Variants in CCDC198 observed in about 807,000 individuals in gnomAD.
CCDC198 encodes factor associated with metabolism and energy.
In CCDC198, 18 loss-of-function variants were observed where a neutral mutation model predicts 35.6. The observed-to-expected ratio is 0.51, with a 90% confidence interval of 0.35 to 0.75. The LOEUF (loss-of-function observed/expected upper bound fraction) is 0.75. Among genes scored for constraint, CCDC198 ranks in the 30% least tolerant of loss-of-function variants. The probability of loss-of-function intolerance (pLI) is 0.01; values close to 1 mark genes in which losing one functional copy is unlikely to be tolerated. For missense variants in CCDC198, 365 were observed against 343.7 expected (o/e 1.06, Z -0.49); for synonymous variants, 119 against 113.4 (o/e 1.05, Z -0.31).
rs1385453910 is a variant in CCDC198 at position 57,493,730 on chromosome 14, A to C, written c.-15T>G. The stretch of plus-strand genomic sequence containing the variant: ...CTCAGGCCCATTTCATGTGAAAGAC[A>C]TTCAGAGGAAAGCTGCGAGGGAAGT... On this transcript the variant is annotated 5_prime_UTR_variant, in exon 1 of 6. It removes an upstream start codon present in the reference 5' UTR. Transcript: ENST00000216445. The C allele has an allele frequency of 6.2e-7, 1 of 1,603,200 alleles. No homozygotes were observed. The highest frequency in any genetic ancestry group is 8.5e-7 in the Non-Finnish European group (1 of 1,171,694).
intron 5 of CCDC198, among the ~76,000 whole-genome samples, chr14:57,474,918 A>G (rs892641617): frequency 1.3e-5 from 2 of 152,210 alleles, no homozygotes; most frequent in African/African-American, 4.8e-5. Context: ...TTTCAGAAAA[A>G]TGTATCACTA....
rs200420976 is a variant in CCDC198, at chr14:57,471,471, C to A, written c.775G>T (p.Asp259Tyr). The change falls in exon 6 of 6, where the codon GAC becomes TAC. Residue 259 changes from aspartate (D) to tyrosine (Y), a missense_variant. By Grantham distance (160) the Asp-to-Tyr change is radical (BLOSUM62 -3). Transcript: ENST00000216445. ...EQEAQGQLLW[D>Y]SSSSDSDEQG... ...TCATCTGAGTCAGAGCTGGAACTGT[C>A]CCAGAGAAGCTGTCCCTGGGCCTCT... The A allele has an allele frequency of 1.3e-5, 21 of 1,614,016 alleles. No homozygotes were observed. Among genetic ancestry groups the A allele is most frequent in the Admixed American group, 6.7e-5 (4 of 60,000 alleles).
intron 5 of CCDC198, among the ~76,000 whole-genome samples, chr14:57,476,759 C>T (rs1277100344): frequency 6.6e-6 from 1 of 152,102 alleles, no homozygotes; most frequent in African/African-American, 2.4e-5. Context: ...ACAGAGGAAC[C>T]TTAATGACCA....
rs1488086603 is a variant in CCDC198, at chr14:57,475,653, G to A, written c.656-4063C>T. On this transcript the variant is annotated intron_variant, in intron 5 of 5. Transcript: ENST00000216445. ...ACTTGGGAGGCGAAGTTTGCGGTGA[G>A]CCGAGATCATGCCATTGCACTCCAG... 2.7e-5 allele frequency: 11 copies of A among 406,616 alleles called. No individual in the cohort carries two copies. In the East Asian group the frequency reaches 8.5e-4, roughly 32 times the overall value. 25.2% of individuals were successfully genotyped at this position (406,616 alleles called of 1,614,324 possible).
At position 57,471,000 on chromosome 14, in the gene CCDC198, A is replaced by AG; in HGVS notation, c.*354_*355insC. 5.1e-6 allele frequency: 1 copy of AG among 195,922 alleles called. No homozygotes were observed. The highest frequency in any genetic ancestry group is 1.0e-5 in the Non-Finnish European group (1 of 95,368). The allele number at this position is 195,922 out of a possible 1,614,324, so 12.1% of individuals were successfully genotyped here. A position where few individuals can be genotyped will look rare whatever the true frequency, so the allele number is the denominator to read the frequency against. ...CAAGGTCCCCCTGTGTCAGTGTCCT[A>AG]ATGGGGCCTCTGGATGACTCCAGTC... On this transcript the variant is annotated 3_prime_UTR_variant, in exon 6 of 6. Coordinates refer to ENST00000216445, the MANE Select transcript of CCDC198 (RefSeq NM_018168.4).
chr14:57,475,747 G>A (rs1566573694), intron 5 of CCDC198: 1 of 366,052 alleles, frequency 2.7e-6, no homozygotes. Flanking sequence ...TCCTTCTTCA[G>A]TTTTGTCTAT....
chr14:57,489,462 C>T (rs1411566796), intron 2 of CCDC198, among the ~76,000 whole-genome samples: 21 of 152,100 alleles, frequency 1.4e-4, no homozygotes, highest in Admixed American at 1.4e-3. Flanking sequence ...TGCAGCAAAT[C>T]ACCGTGGCAC....
In CCDC198 at chr14:57,471,287, GTTTGGAAGAT is replaced by G; in HGVS notation, c.*58_*67del. The G allele has an allele frequency of 1.1e-5, 13 of 1,163,606 alleles. No individual in the cohort carries two copies. In the South Asian group the frequency reaches 1.8e-4, roughly 16 times the overall value. The allele number at this position is 1,163,606 out of a possible 1,614,324, so 72.1% of individuals were successfully genotyped here. A position where few individuals can be genotyped will look rare whatever the true frequency, so the allele number is the denominator to read the frequency against. ...TGTCCTCAAAGTAATTCATATATCA[GTTTGGAAGAT>G]TTTGAGAGTAAAACAAGCTTTCAAA... is the stretch of plus-strand genomic sequence containing the variant. On this transcript the variant is annotated 3_prime_UTR_variant, in exon 6 of 6. Coordinates refer to ENST00000216445, the MANE Select transcript of CCDC198 (RefSeq NM_018168.4).
intron 5 of CCDC198, among the ~76,000 whole-genome samples, chr14:57,474,835 A>C (rs751473647): frequency 9.8e-5 from 15 of 152,338 alleles, no homozygotes; most frequent in Admixed American, 6.5e-5. Context: ...AGTGGGAAAA[A>C]TAGGAAGTGA....
chr14:57,480,817 A>C, intron 4 of CCDC198, 63 bp from the exon 5 acceptor site: 4 of 1,551,026 alleles, frequency 2.6e-6, no homozygotes, highest in Middle Eastern at 1.7e-4. Flanking sequence ...AGACTAGATC[A>C]ACAGATCAGC....
chr14:57,477,206 C>A (rs763320353), intron 5 of CCDC198, among the ~76,000 whole-genome samples: 3 of 152,218 alleles, frequency 2.0e-5, no homozygotes, highest in Non-Finnish European at 4.4e-5. Context: ...GTATCCTATA[C>A]TTTTACATGT....
intron 1 of CCDC198, among the ~76,000 whole-genome samples, chr14:57,493,261 TG>T (rs1394846476): frequency 1.3e-5 from 2 of 152,190 alleles, no homozygotes; most frequent in African/African-American, 4.8e-5. Flanking sequence ...CCTTCTCATA[TG>T]GAATAGTGAA....
At chr14:57,472,743 G>GT (rs1479859971) in intron 5 of CCDC198, among the ~76,000 whole-genome samples, 1 of 152,124 alleles carries the variant, frequency 6.6e-6, no homozygotes, top group Non-Finnish European at 1.5e-5. Flanking sequence ...ATTTACCTTA[G>GT]TTTTTTATTT....
In CCDC198 at chr14:57,493,529, G is replaced by A. The variant is rs1408861592; in HGVS notation, c.187C>T (p.Pro63Ser). The change falls in exon 1 of 6, where the codon CCT (proline) becomes TCT (serine). Residue 63 changes from proline to serine, a missense_variant. By Grantham distance (74) the Pro-to-Ser change is moderately conservative. Transcript: ENST00000216445. ...QNKALEGQLP[P>S]LQENWYGRYS... ...CTTCCATACCAGTTTTCTTGTAAAG[G>A]TGGCAGCTGCCCTTCCAAGGCTTTA... is the stretch of plus-strand genomic sequence containing the variant. 3 of 1,613,920 alleles carry A rather than the reference G, an allele frequency of 1.9e-6. No individual in the cohort carries two copies. Among genetic ancestry groups the A allele is most frequent in the Admixed American group, 1.7e-5 (1 of 59,976 alleles).
At chr14:57,482,991 G>A in intron 3 of CCDC198, 74 bp downstream of exon 3, 10 of 1,600,950 alleles carry the variant, frequency 6.2e-6, no homozygotes, top group African/African-American at 1.3e-5. Flanking sequence ...GAAAGGACCA[G>A]TGTGCTCCAG....
chr14:57,476,087 G>A (rs569350770), intron 5 of CCDC198, among the ~76,000 whole-genome samples: 3 of 152,152 alleles, frequency 2.0e-5, no homozygotes, highest in African/African-American at 2.4e-5. Flanking sequence ...ACAGGCATGA[G>A]CTATGGCCTG....
intron 5 of CCDC198, chr14:57,478,310 A>T (rs560417917): frequency 4.2e-6 from 1 of 240,942 alleles, no homozygotes; most frequent in African/African-American, 2.3e-5. Flanking sequence ...GCTGTGTGAG[A>T]GTGCAAGTCA....
intron 2 of CCDC198, among the ~76,000 whole-genome samples, chr14:57,488,441 C>T (rs1252491774): frequency 3.9e-5 from 6 of 152,112 alleles, no homozygotes; most frequent in Non-Finnish European, 4.4e-5. Context: ...GCAGGGAGTG[C>T]ACTTTGAGTG....
At chr14:57,480,384 A>G in intron 5 of CCDC198, 1 of 837,958 alleles carries the variant, frequency 1.2e-6, no homozygotes. Flanking sequence ...AAAGAAAGAG[A>G]CATTTAATTA....
Sources: allele counts gnomAD v4.1 joint callset (sites outside exome capture counted in the v4.1 genomes callset), GRCh38; gene constraint gnomAD v4.1.1; transcripts MANE v1.5; gene names NCBI Gene and HGNC (gene_info 2026-07-23, HGNC 2026-07-21).